Variants in ITGBL1 observed in about 807,000 individuals in gnomAD.
ITGBL1 encodes integrin subunit beta like 1, also known as integrin beta-like protein 1.
A neutral mutation model predicts 68.5 loss-of-function variants in ITGBL1; 51 were observed. The observed-to-expected ratio is 0.74, with a 90% CI of 0.59 to 0.94. ITGBL1 has a LOEUF of 0.94. Among genes scored for constraint, ITGBL1 ranks in the 40% least tolerant of loss-of-function variants. ITGBL1 has a pLI of 0.00. For synonymous variants in ITGBL1, 209 were observed against 227.3 expected, an observed-to-expected ratio of 0.92 and a Z score of 0.72; for missense variants, 649 against 647.4, an observed-to-expected ratio of 1.00 and a Z score of -0.03.
chr13:101,612,770 C>T (rs143707357), intron 7 of ITGBL1, among the ~76,000 whole-genome samples: 56 of 152,132 alleles, frequency 3.7e-4, no homozygotes, highest in South Asian at 6.2e-4. Context: ...GAGCACAGGG[C>T]GACACTATTC....
chr13:101,533,011 A>G (rs1302808933), intron 2 of ITGBL1, among the ~76,000 whole-genome samples: 2 of 152,234 alleles, frequency 1.3e-5, no homozygotes, highest in Admixed American at 1.3e-4. Flanking sequence ...AGCATAGGCC[A>G]AAGCTGAATA....
intron 2 of ITGBL1, among the ~76,000 whole-genome samples, chr13:101,485,668 C>T (rs183274963): frequency 4.6e-5 from 7 of 151,918 alleles, no homozygotes; most frequent in African/African-American, 1.2e-4. Context: ...GGCAGGCGCC[C>T]GTAGTCCCAG....
rs533530399 is a variant in ITGBL1 at position 101,546,709 on chromosome 13, A to G, written c.317-20990A>G. Reference sequence around the variant, plus strand: ...ACATTAACTATAGAATTAGCATAGAATTAAGAATATAGCAAGCAACTTTTA... The same window carrying G: ...ACATTAACTATAGAATTAGCATAGAGTTAAGAATATAGCAAGCAACTTTTA... On this transcript the variant is annotated intron_variant, in intron 2 of 10. Transcript: ENST00000376180. Among the ~76,000 whole-genome samples, 13 of 152,204 alleles carry G rather than the reference A, an allele frequency of 8.5e-5. No homozygotes were observed. The South Asian group carries it at 2.7e-3, about 32-fold the overall frequency.
chr13:101,715,230 G>A lies in ITGBL1; in HGVS notation c.1394-333G>A, dbSNP rs138852216. 1.3e-4 allele frequency: 30 copies of A among 225,850 alleles called. No individual in the cohort carries two copies. In the East Asian group the frequency reaches 2.0e-3, roughly 15 times the overall value. 14.0% of individuals were successfully genotyped at this position (225,850 alleles called of 1,614,324 possible). ...GGCCTGCCTCATGTTATGTCAAAGA[G>A]CCTTATGTTTTTCTGTATTTATTCA... On this transcript the variant is annotated intron_variant, in intron 10 of 10. Transcript: ENST00000376180.
chr13:101,471,240 C>A (rs541614136), intron 2 of ITGBL1, among the ~76,000 whole-genome samples: 1 of 152,250 alleles, frequency 6.6e-6, no homozygotes, highest in South Asian at 2.1e-4. Context: ...AGTTGATTTG[C>A]TTGTGCCTCT....
At chr13:101,601,567 G>A (rs1278810531) in intron 7 of ITGBL1, among the ~76,000 whole-genome samples, 2 of 152,048 alleles carry the variant, frequency 1.3e-5, no homozygotes, top group African/African-American at 4.8e-5. Flanking sequence ...TCTCTTGTGG[G>A]CATTTAGTGC....
intron 2 of ITGBL1, among the ~76,000 whole-genome samples, chr13:101,543,986 C>G (rs1391761405): frequency 6.6e-6 from 1 of 152,100 alleles, no homozygotes; most frequent in Non-Finnish European, 1.5e-5. Flanking sequence ...AACTTCTTTG[C>G]CATGGGTTCG....
intron 2 of ITGBL1, among the ~76,000 whole-genome samples, chr13:101,545,675 G>A (rs546608434): frequency 1.3e-5 from 2 of 152,110 alleles, no homozygotes; most frequent in Non-Finnish European, 2.9e-5. Context: ...AATCTAATGG[G>A]AGAACCAAGC....
intron 2 of ITGBL1, among the ~76,000 whole-genome samples, chr13:101,564,099 T>G (rs2139242320): frequency 6.6e-6 from 1 of 152,086 alleles, no homozygotes; most frequent in African/African-American, 2.4e-5. Flanking sequence ...ATGCAATCCC[T>G]ATCAAAATCT....
chr13:101,680,408 T>C (rs191346708), intron 7 of ITGBL1, among the ~76,000 whole-genome samples: 1 of 152,288 alleles, frequency 6.6e-6, no homozygotes, highest in Admixed American at 6.5e-5. Flanking sequence ...GTGTGGTTTT[T>C]ATCATTTTAA....
intron 5 of ITGBL1, among the ~76,000 whole-genome samples, chr13:101,580,482 C>T (rs1195192560): frequency 6.6e-6 from 1 of 151,994 alleles, no homozygotes; most frequent in African/African-American, 2.4e-5. Context: ...GGGTGCATTG[C>T]ACAACGTGCA....
At chr13:101,494,440 G>GA (rs989417536) in intron 2 of ITGBL1, among the ~76,000 whole-genome samples, 1 of 152,068 alleles carries the variant, frequency 6.6e-6, no homozygotes, top group South Asian at 2.1e-4. Flanking sequence ...ACTGTAGTCA[G>GA]AAAAAAACTA....
intron 7 of ITGBL1, among the ~76,000 whole-genome samples, chr13:101,608,070 G>A (rs1414050345): frequency 6.6e-6 from 1 of 152,052 alleles, no homozygotes; most frequent in African/African-American, 2.4e-5. Flanking sequence ...ACCCCCATAA[G>A]GGAAGGTGTG....
chr13:101,457,858 T>G (rs553723758), intron 2 of ITGBL1, among the ~76,000 whole-genome samples: 1 of 152,266 alleles, frequency 6.6e-6, no homozygotes, highest in African/African-American at 2.4e-5. Flanking sequence ...AATGTTTGAT[T>G]GCATGGAAAG....
chr13:101,629,451 TTTTA>T (rs2031902385), intron 7 of ITGBL1, among the ~76,000 whole-genome samples: 1 of 152,090 alleles, frequency 6.6e-6, no homozygotes, highest in African/African-American at 2.4e-5. Context: ...AAATATATAT[TTTTA>T]TTTATCCTAA....
chr13:101,646,552 G>A lies in ITGBL1; in HGVS notation c.1016-46033G>A, dbSNP rs114168782. ...GATAAGAATTCACCGTGGAGTAACT[G>A]GCCAGTGTGAATAAAGAGCCTTAAA... On this transcript the variant is annotated intron_variant, in intron 7 of 10. Coordinates refer to ENST00000376180, the MANE Select transcript of ITGBL1 (RefSeq NM_004791.3). Among the ~76,000 whole-genome samples, 211 of 152,180 alleles carry A rather than the reference G, an allele frequency of 1.4e-3. 2 individuals carry two copies. Among genetic ancestry groups the A allele is most frequent in the African/African-American group, 4.9e-3 (202 of 41,540 alleles).
At position 101,692,640 on chromosome 13, in the gene ITGBL1, T is replaced by C. The variant is rs748601596; in HGVS notation, c.1071T>C (p.Tyr357=). The C allele has an allele frequency of 3.1e-6, 5 of 1,613,892 alleles. No homozygotes were observed. The highest frequency in any genetic ancestry group is 4.2e-6 in the Non-Finnish European group (5 of 1,179,842). The part of the protein sequence containing the change: ...TCYPPGDRRV[Y]GKTCECDDRR... The stretch of plus-strand genomic sequence containing the variant: ...ATCCTCCAGGAGATCGCCGGGTGTA[T>C]GGCAAGACTTGTGAGTGTGATGATC... The change falls in exon 8 of 11, where the codon TAT becomes TAC. Residue 357 remains tyrosine (Y), a synonymous_variant. Coordinates refer to ENST00000376180, the MANE Select transcript of ITGBL1 (RefSeq NM_004791.3).
At chr13:101,627,007 C>A (rs1281277576) in intron 7 of ITGBL1, among the ~76,000 whole-genome samples, 2 of 152,136 alleles carry the variant, frequency 1.3e-5, no homozygotes, top group African/African-American at 4.8e-5. Context: ...TATGACTTTG[C>A]GTAGGTCATT....
At chr13:101,621,113 CT>C (rs1390343570) in intron 7 of ITGBL1, among the ~76,000 whole-genome samples, 2 of 152,154 alleles carry the variant, frequency 1.3e-5, no homozygotes, top group African/African-American at 4.8e-5. Context: ...CTGTTGACAC[CT>C]TTGTACCTAC....
Sources: allele counts gnomAD v4.1 joint callset (sites outside exome capture counted in the v4.1 genomes callset), GRCh38; gene constraint gnomAD v4.1.1; transcripts MANE v1.5; gene names NCBI Gene and HGNC (gene_info 2026-07-23, HGNC 2026-07-21).